The following VWA2 variants were observed in gnomAD, a reference collection of about 807,000 sequenced individuals.
VWA2 encodes von Willebrand factor A domain containing 2.
Under a neutral mutation model 70.4 loss-of-function variants are expected in VWA2, and 73 were observed. That is an observed-to-expected ratio of 1.04 (90% confidence interval 0.86 to 1.26). The LOEUF (loss-of-function observed/expected upper bound fraction) is 1.26. VWA2 is among the 50% of genes most tolerant of loss of function. The pLI is 0.00. For missense variants in VWA2, 1,011 were observed against 998.5 expected (o/e 1.01, Z -0.17); for synonymous variants, 407 against 423.3 (o/e 0.96, Z 0.47).
chr10:114,282,869 C>A (rs1026116305), intron 9 of VWA2, among the ~76,000 whole-genome samples: 1 of 152,114 alleles, frequency 6.6e-6, no homozygotes, highest in African/African-American at 2.4e-5. Context: ...AAAGCCAGCA[C>A]CAAACTCAGG....
chr10:114,244,973 T>C (rs1028962169), intron 1 of VWA2, among the ~76,000 whole-genome samples: 1 of 152,174 alleles, frequency 6.6e-6, no homozygotes, highest in Non-Finnish European at 1.5e-5. Flanking sequence ...GACTAGATAG[T>C]CTGTAGTCTC....
chr10:114,278,687 T>G (rs753137348), intron 7 of VWA2, 32 bp from the exon 8 acceptor site: 1 of 1,610,848 alleles, frequency 6.2e-7, no homozygotes, highest in South Asian at 1.1e-5. Flanking sequence ...CCCTGTCTCC[T>G]CCGTGGGTGT....
chr10:114,266,793 C>G (rs944507975), intron 5 of VWA2, among the ~76,000 whole-genome samples: 2 of 152,176 alleles, frequency 1.3e-5, no homozygotes, highest in Non-Finnish European at 2.9e-5. Context: ...TTTGTCTCCA[C>G]TTTACCTTGG....
chr10:114,256,084 T>C (rs1360567632), intron 4 of VWA2, among the ~76,000 whole-genome samples: 7 of 152,252 alleles, frequency 4.6e-5, no homozygotes, highest in Non-Finnish European at 1.0e-4. Context: ...GCTTGGACCC[T>C]TTAACCCAGC....
At chr10:114,277,198 T>TTTTTTC in intron 6 of VWA2, among the ~76,000 whole-genome samples, 2 of 143,476 alleles carry the variant, frequency 1.4e-5, no homozygotes, top group Non-Finnish European at 3.0e-5. Flanking sequence ...TTTTTTTTTT[T>TTTTTTC]CTGGAGACAG....
chr10:114,290,461 T>C, intron 13 of VWA2, 96 bp downstream of exon 13: 1 of 1,488,278 alleles, frequency 6.7e-7, no homozygotes, highest in Non-Finnish European at 9.1e-7. Context: ...TTCTAAAACA[T>C]TCGTTCAGTG....
At chr10:114,261,395 C>T in intron 5 of VWA2, 100 bp downstream of exon 5, 1 of 894,468 alleles carries the variant, frequency 1.1e-6, no homozygotes, top group African/African-American at 1.6e-5. Context: ...ACAGAGAGGA[C>T]TGTGGGCTGC....
At chr10:114,245,287 T>A (rs2037046740) in intron 1 of VWA2, among the ~76,000 whole-genome samples, 1 of 152,188 alleles carries the variant, frequency 6.6e-6, no homozygotes, top group Admixed American at 6.5e-5. Context: ...GTTGGTCTCA[T>A]AGCACGGAGG....
intron 6 of VWA2, among the ~76,000 whole-genome samples, chr10:114,275,134 G>A (rs539492297): frequency 4.6e-5 from 7 of 152,266 alleles, no homozygotes; most frequent in African/African-American, 1.7e-4. Flanking sequence ...TGGGGACAGG[G>A]AGAGAAGATG....
In VWA2 at chr10:114,289,041, C is replaced by T. The variant is rs1444872992; in HGVS notation, c.1674C>T (p.Ala558=). The part of the protein sequence containing the change: ...AQMQSFVRSC[A]LQFEVNPDVT... ...TGCAGAGCTTTGTGAGAAGCTGTGC[C>T]CTCCAGTTTGAGGTGAACCCTGACG... is the stretch of plus-strand genomic sequence containing the variant. Residue 558 remains alanine (A), a synonymous_variant, in exon 12 of 14, where the codon GCC becomes GCT. Transcript: ENST00000392982. The T allele has an allele frequency of 3.7e-6, 6 of 1,613,990 alleles. No individual in the cohort carries two copies. In the African/African-American group the frequency reaches 8.0e-5, roughly 22 times the overall value.
intron 5 of VWA2, 115 bp from the exon 6 acceptor site, chr10:114,272,625 G>A: frequency 3.2e-6 from 3 of 928,700 alleles, no homozygotes; most frequent in Non-Finnish European, 4.8e-6. Flanking sequence ...CCTCTGCTAG[G>A]AGAAAGCTAC....
chr10:114,270,806 G>A (rs115849706), intron 5 of VWA2, among the ~76,000 whole-genome samples: 163 of 152,206 alleles, frequency 1.1e-3, no homozygotes, highest in African/African-American at 3.6e-3. Flanking sequence ...CTTCCTCTTC[G>A]GAGATTCATC....
chr10:114,286,036 C>G lies in VWA2; in HGVS notation c.1095C>G (p.Phe365Leu), dbSNP rs34495685. 6.2e-7 allele frequency: 1 copy of G among 1,614,048 alleles called. No individual in the cohort carries two copies. The highest frequency in any genetic ancestry group is 1.3e-5 in the African/African-American group (1 of 74,952). ...ACGGCTTCCTGCGGGCCAAAGTCTT[C>G]GTGAAGCGGTTTGTGCGGGCCGTGC... Reference protein sequence around the residue: ...TLDGFLRAKVFVKRFVRAVLS... With the variant: ...TLDGFLRAKVLVKRFVRAVLS... Residue 365 changes from phenylalanine (F) to leucine (L), a missense_variant, in exon 11 of 14, where the codon TTC becomes TTG. Coordinates refer to ENST00000392982, the MANE Select transcript of VWA2 (RefSeq NM_001272046.2).
At chr10:114,256,926 A>T (rs1043925811) in intron 4 of VWA2, among the ~76,000 whole-genome samples, 148 of 151,764 alleles carry the variant, frequency 9.8e-4, no homozygotes, top group Non-Finnish European at 1.8e-3. Flanking sequence ...AAAAAAAAAA[A>T]AAAAAATTAA....
intron 4 of VWA2, among the ~76,000 whole-genome samples, chr10:114,259,636 A>T (rs1422662696): frequency 1.3e-5 from 2 of 152,076 alleles, no homozygotes; most frequent in African/African-American, 4.8e-5. Flanking sequence ...TCTTGAATTC[A>T]TTTGCAGTTT....
chr10:114,280,451 G>A (rs1390039718), intron 8 of VWA2, among the ~76,000 whole-genome samples: 1 of 152,138 alleles, frequency 6.6e-6, no homozygotes, highest in Non-Finnish European at 1.5e-5. Context: ...GGGGGGTTGG[G>A]GCAAGGTCAC....
At chr10:114,247,231 T>C (rs1279813028) in intron 1 of VWA2, among the ~76,000 whole-genome samples, 1 of 152,172 alleles carries the variant, frequency 6.6e-6, no homozygotes, top group Non-Finnish European at 1.5e-5. Flanking sequence ...GTATTTGTTC[T>C]CTGGTGGCAT....
intron 5 of VWA2, among the ~76,000 whole-genome samples, chr10:114,272,308 T>C (rs1379819975): frequency 1.3e-5 from 2 of 152,230 alleles, no homozygotes; most frequent in African/African-American, 4.8e-5. Flanking sequence ...CTTGAAGCCC[T>C]GTCCTTCACT....
downstream of VWA2, among the ~76,000 whole-genome samples, chr10:114,294,494 C>CTTAA (rs763957672): frequency 8.5e-5 from 13 of 152,284 alleles, no homozygotes; most frequent in Non-Finnish European, 1.8e-4. Context: ...TATAAACTTC[C>CTTAA]TTAATTACTA....
Sources: gnomAD v4.1 joint callset for allele counts (sites outside exome capture counted in the v4.1 genomes callset) on GRCh38, gnomAD v4.1.1 for gene constraint, MANE v1.5 for transcripts, NCBI Gene and HGNC (gene_info 2026-07-23, HGNC 2026-07-21) for gene names.